Variants in BAZ2B observed in about 807,000 individuals in gnomAD.
BAZ2B encodes the protein bromodomain adjacent to zinc finger domain protein 2B.
BAZ2B carries 91 observed loss-of-function variants against 246.0 expected under a neutral mutation model. The observed-to-expected ratio is 0.37, with a 90% confidence interval of 0.31 to 0.44. BAZ2B has a LOEUF of 0.44. Ranked by LOEUF, BAZ2B falls within the 20% of genes least tolerant of loss-of-function variation. The pLI is 1.00. For synonymous variants in BAZ2B, 855 were observed against 860.0 expected (o/e 0.99, Z 0.10); for missense variants, 2,332 against 2,533.7 (o/e 0.92, Z 1.71).
chr2:159,564,452 G>A (rs1240739757), intron 1 of BAZ2B, among the ~76,000 whole-genome samples: 1 of 152,190 alleles, frequency 6.6e-6, no homozygotes, highest in African/African-American at 2.4e-5. Context: ...TGATCTTGGG[G>A]ATATGGGAGA....
At chr2:159,652,993 A>C in the BAZ2B span, among the ~76,000 whole-genome samples, 21 of 151,256 alleles carry the variant, frequency 1.4e-4, no homozygotes, top group Admixed American at 1.4e-3. Context: ...GCTGGAGTGC[A>C]GGGGTGCCAT....
the BAZ2B span, among the ~76,000 whole-genome samples, chr2:159,680,628 C>T: frequency 1.2e-4 from 19 of 152,246 alleles, no homozygotes; most frequent in Admixed American, 2.6e-4. Flanking sequence ...TGTGGAGTAA[C>T]GCTCACTAAA....
intron 30 of BAZ2B, among the ~76,000 whole-genome samples, chr2:159,348,334 A>AG (rs2149123697): frequency 6.6e-6 from 1 of 151,346 alleles, no homozygotes; most frequent in East Asian, 1.9e-4. Context: ...AAAAAAAAAA[A>AG]AAAAAAAAAA....
chr2:159,480,249 T>TA (rs911777985), intron 2 of BAZ2B, among the ~76,000 whole-genome samples: 68 of 151,932 alleles, frequency 4.5e-4, no homozygotes, highest in African/African-American at 1.6e-3. Flanking sequence ...ATATACTATG[T>TA]AAAAAAAATA....
At chr2:159,512,549 T>A (rs546150809) in intron 2 of BAZ2B, among the ~76,000 whole-genome samples, 1 of 152,144 alleles carries the variant, frequency 6.6e-6, no homozygotes, top group Non-Finnish European at 1.5e-5. Flanking sequence ...GTCTCTAAGC[T>A]GATAAAATGT....
intron 1 of BAZ2B, among the ~76,000 whole-genome samples, chr2:159,561,547 T>A (rs926174191): frequency 6.6e-6 from 1 of 152,250 alleles, no homozygotes; most frequent in Non-Finnish European, 1.5e-5. Flanking sequence ...ATGTGGTTAC[T>A]GAGCACTTGT....
chr2:159,660,298 T>A, the BAZ2B span, among the ~76,000 whole-genome samples: 1 of 152,224 alleles, frequency 6.6e-6, no homozygotes, highest in Non-Finnish European at 1.5e-5. Context: ...CAGTACTTCA[T>A]TCCTTCTTAC....
At chr2:159,665,672 C>G in the BAZ2B span, among the ~76,000 whole-genome samples, 10,097 of 143,786 alleles carry the variant, frequency 0.07, 671 homozygotes, top group African/African-American at 0.19. Context: ...AAACTGGATC[C>G]CTTCCTTACA....
the BAZ2B span, among the ~76,000 whole-genome samples, chr2:159,666,242 TA>T: frequency 0.063 from 9,403 of 148,494 alleles, 390 homozygotes; most frequent in Middle Eastern, 0.14. Flanking sequence ...CAATTTATTA[TA>T]TTTTTTTATG....
At chr2:159,355,404 T>G (rs2058997410) in intron 27 of BAZ2B, among the ~76,000 whole-genome samples, 1 of 152,194 alleles carries the variant, frequency 6.6e-6, no homozygotes, top group Non-Finnish European at 1.5e-5. Flanking sequence ...AAGCAGATTC[T>G]TATTATGTCT....
rs932210214 is a variant in BAZ2B, at chr2:159,386,296, T to G, written c.3471+57A>C. Reference sequence around the variant, plus strand: ...ATCTTCTGCTAATATGCTAAAGCTATCTACCAATGCACTGACAGTACAAAT... The same window carrying G: ...ATCTTCTGCTAATATGCTAAAGCTAGCTACCAATGCACTGACAGTACAAAT... On this transcript the variant is annotated intron_variant, in intron 22 of 36. Transcript: ENST00000392783. 4.8e-6 allele frequency: 7 copies of G among 1,459,816 alleles called. No homozygotes were observed. The African/African-American group carries it at 8.6e-5, about 18-fold the overall frequency. 90.4% of individuals were successfully genotyped at this position (1,459,816 alleles called of 1,614,324 possible).
At chr2:159,328,038 T>C (rs12477275) in intron 34 of BAZ2B, among the ~76,000 whole-genome samples, 102,609 of 145,474 alleles carry the variant, frequency 0.71, 36,821 homozygotes, top group East Asian at 0.79. Flanking sequence ...GCACTCCAGC[T>C]TGGGTGATGG....
chr2:159,438,156 T>A, intron 8 of BAZ2B, 147 bp downstream of exon 8: 2 of 749,014 alleles, frequency 2.7e-6, no homozygotes, highest in Admixed American at 6.1e-5. Flanking sequence ...GAAATTTAGT[T>A]TTCTGCTGTA....
chr2:159,578,657 T>C (rs1391610399), intron 1 of BAZ2B, among the ~76,000 whole-genome samples: 1 of 152,118 alleles, frequency 6.6e-6, no homozygotes, highest in Non-Finnish European at 1.5e-5. Context: ...TATTCCAAAA[T>C]TGACCACACA....
chr2:159,621,711 C>T, the BAZ2B span, among the ~76,000 whole-genome samples: 1 of 152,200 alleles, frequency 6.6e-6, no homozygotes, highest in Admixed American at 6.5e-5. Context: ...GTAGTTCATG[C>T]CTGTAATCCC....
At chr2:159,706,535 C>T in the BAZ2B span, among the ~76,000 whole-genome samples, 3 of 152,154 alleles carry the variant, frequency 2.0e-5, no homozygotes, top group African/African-American at 2.4e-5. Context: ...CGTGTGTGTG[C>T]GTGTGTGTTT....
intron 2 of BAZ2B, chr2:159,516,257 G>A (rs971138080): frequency 6.6e-6 from 1 of 152,070 alleles, no homozygotes; most frequent in African/African-American, 2.4e-5. Context: ...AAAAGACATA[G>A]AGTATAACAT....
At chr2:159,373,454 A>G (rs1313615413) in intron 26 of BAZ2B, among the ~76,000 whole-genome samples, 3 of 152,244 alleles carry the variant, frequency 2.0e-5, no homozygotes, top group African/African-American at 7.2e-5. Context: ...TTACTTGATA[A>G]TAAACAATGG....
intron 2 of BAZ2B, among the ~76,000 whole-genome samples, chr2:159,496,847 G>T (rs13406799): frequency 7.1e-6 from 1 of 140,340 alleles, no homozygotes; most frequent in South Asian, 2.3e-4. Flanking sequence ...AGAATTTTGA[G>T]AATTCTGATA....
Sources: allele counts gnomAD v4.1 joint callset (sites outside exome capture counted in the v4.1 genomes callset), GRCh38; gene constraint gnomAD v4.1.1; transcripts MANE v1.5; gene names NCBI Gene and HGNC (gene_info 2026-07-23, HGNC 2026-07-21).